Variants in CPNE8 observed in about 807,000 individuals in gnomAD.
The protein encoded by CPNE8 is copine-8.
In CPNE8, 45 loss-of-function variants were observed where a neutral mutation model predicts 81.5. The ratio of observed to expected loss-of-function variants is 0.55; its 90% CI spans 0.44 to 0.71. The LOEUF is 0.71. Ranked by LOEUF, CPNE8 falls within the 30% of genes least tolerant of loss-of-function variation. CPNE8 has a pLI of 0.00. For synonymous variants in CPNE8, 252 were observed against 226.3 expected (o/e 1.11, Z -1.02); for missense variants, 594 against 672.1 (o/e 0.88, Z 1.28).
chr12:38,736,707 C>G (rs1940961809), intron 10 of CPNE8, among the ~76,000 whole-genome samples: 1 of 151,930 alleles, frequency 6.6e-6, no homozygotes, highest in Non-Finnish European at 1.5e-5. Flanking sequence ...TATTGTCAAA[C>G]AAAAGCTCCC....
At chr12:38,850,995 T>C (rs1943636481) in intron 3 of CPNE8, among the ~76,000 whole-genome samples, 1 of 152,238 alleles carries the variant, frequency 6.6e-6, no homozygotes, top group Non-Finnish European at 1.5e-5. Flanking sequence ...AAGGCCCTTA[T>C]GAAAGAGGCT....
chr12:38,900,752 C>G (rs759332336), intron 1 of CPNE8, among the ~76,000 whole-genome samples: 12 of 152,088 alleles, frequency 7.9e-5, no homozygotes, highest in Non-Finnish European at 1.6e-4. Context: ...GCATTTTGGG[C>G]TATGGCACAC....
chr12:38,698,357 C>A (rs1939848311), intron 14 of CPNE8, among the ~76,000 whole-genome samples: 1 of 152,070 alleles, frequency 6.6e-6, no homozygotes, highest in African/African-American at 2.4e-5. Flanking sequence ...TGGGGGATGT[C>A]TTTTCATTTT....
At chr12:38,678,124 A>G (rs994878008) in intron 16 of CPNE8, among the ~76,000 whole-genome samples, 6 of 152,090 alleles carry the variant, frequency 3.9e-5, no homozygotes, top group African/African-American at 1.4e-4. Flanking sequence ...TGAATGGTAT[A>G]CGTTTAAATG....
At chr12:38,814,521 C>G (rs1027560124) in intron 6 of CPNE8, among the ~76,000 whole-genome samples, 10 of 151,838 alleles carry the variant, frequency 6.6e-5, no homozygotes, top group Admixed American at 5.2e-4. Flanking sequence ...CGGGGTTTCA[C>G]CATATTGATC....
At chr12:38,798,616 G>A (rs972319678) in intron 6 of CPNE8, among the ~76,000 whole-genome samples, 21 of 151,874 alleles carry the variant, frequency 1.4e-4, no homozygotes, top group African/African-American at 4.1e-4. Context: ...AAAGACCATC[G>A]AGACTAGGAA....
At chr12:38,750,038 T>C (rs531089103) in intron 10 of CPNE8, among the ~76,000 whole-genome samples, 1 of 152,216 alleles carries the variant, frequency 6.6e-6, no homozygotes, top group African/African-American at 2.4e-5. Flanking sequence ...AGGGTCACTG[T>C]GATGCTCTGT....
chr12:38,782,619 G>A (rs1410974104), intron 6 of CPNE8, among the ~76,000 whole-genome samples: 1 of 151,770 alleles, frequency 6.6e-6, no homozygotes, highest in Admixed American at 6.6e-5. Flanking sequence ...AAAGTGAATA[G>A]AATAAAGTTA....
chr12:38,681,868 G>A (rs1939415589), intron 16 of CPNE8, among the ~76,000 whole-genome samples: 1 of 152,178 alleles, frequency 6.6e-6, no homozygotes, highest in African/African-American at 2.4e-5. Context: ...TGATACAGTA[G>A]GTGTTAATCA....
chr12:38,892,546 C>A (rs898421963), intron 1 of CPNE8, among the ~76,000 whole-genome samples: 3 of 152,148 alleles, frequency 2.0e-5, no homozygotes, highest in Admixed American at 1.3e-4. Context: ...TTTAAAAGTA[C>A]CGAAACCATT....
At chr12:38,683,627 A>G (rs1398825087) in intron 16 of CPNE8, among the ~76,000 whole-genome samples, 1 of 152,156 alleles carries the variant, frequency 6.6e-6, no homozygotes, top group Non-Finnish European at 1.5e-5. Flanking sequence ...ACAATTAAAC[A>G]TAAAATTCAA....
chr12:38,882,003 C>T (rs1944166640), intron 1 of CPNE8, among the ~76,000 whole-genome samples: 1 of 152,174 alleles, frequency 6.6e-6, no homozygotes, highest in South Asian at 2.1e-4. Context: ...AATCTTATGG[C>T]TCCTGTATTT....
At chr12:38,871,833 A>T (rs1335464988) in intron 3 of CPNE8, among the ~76,000 whole-genome samples, 1 of 152,176 alleles carries the variant, frequency 6.6e-6, no homozygotes, top group African/African-American at 2.4e-5. Flanking sequence ...TTTGAGGTAG[A>T]TATTGAACTA....
At chr12:38,674,784 G>A (rs1312882457) in intron 18 of CPNE8, among the ~76,000 whole-genome samples, 3 of 152,144 alleles carry the variant, frequency 2.0e-5, no homozygotes, top group Non-Finnish European at 2.9e-5. Flanking sequence ...TTCTCATGCA[G>A]GAGGGACTGG....
At chr12:38,835,210 A>C (rs1472303658) in intron 5 of CPNE8, among the ~76,000 whole-genome samples, 1 of 152,120 alleles carries the variant, frequency 6.6e-6, no homozygotes, top group South Asian at 2.1e-4. Context: ...ACTCAAGGCC[A>C]CTGGACTGTT....
At chr12:38,840,010 A>C in intron 4 of CPNE8, 55 bp from the exon 5 acceptor site, 1 of 1,485,128 alleles carries the variant, frequency 6.7e-7, no homozygotes, top group Non-Finnish European at 9.1e-7. Flanking sequence ...AGCTAGAAAA[A>C]AAACCAGTAT....
intron 19 of CPNE8, among the ~76,000 whole-genome samples, chr12:38,656,863 C>T (rs1044443952): frequency 1.3e-5 from 2 of 152,102 alleles, no homozygotes; most frequent in Non-Finnish European, 2.9e-5. Context: ...CTGTGGGAGC[C>T]GTAAAGTATT....
chr12:38,863,544 A>G lies in CPNE8; in HGVS notation c.186+9460T>C, dbSNP rs562606698. Among the ~76,000 whole-genome samples the G allele has an allele frequency of 2.8e-3, 422 of 152,380 alleles. 1 individual carries two copies. The highest frequency in any genetic ancestry group is 9.7e-3 in the African/African-American group (403 of 41,590). ...GTAAATTTATAGATCAATATAATTC[A>G]TAACAGGCAAAATTCTAACAAATAG... On this transcript the variant is annotated intron_variant, in intron 3 of 19. Coordinates refer to ENST00000331366, the MANE Select transcript of CPNE8 (RefSeq NM_153634.3).
At chr12:38,786,043 G>A (rs1030809109) in intron 6 of CPNE8, among the ~76,000 whole-genome samples, 2 of 151,972 alleles carry the variant, frequency 1.3e-5, no homozygotes, top group Non-Finnish European at 2.9e-5. Context: ...AAAATGACAG[G>A]TGAAAGTCCT....
Sources: gnomAD v4.1 joint callset for allele counts (sites outside exome capture counted in the v4.1 genomes callset) on GRCh38, gnomAD v4.1.1 for gene constraint, MANE v1.5 for transcripts, NCBI Gene and HGNC (gene_info 2026-07-23, HGNC 2026-07-21) for gene names.